Variants in ZMIZ1 observed in about 807,000 individuals in gnomAD.
The protein encoded by ZMIZ1 is zinc finger MIZ domain-containing protein 1.
In ZMIZ1, 17 loss-of-function variants were observed where a neutral mutation model predicts 113.9. The observed-to-expected ratio is 0.15, with a 90% CI of 0.10 to 0.22. The LOEUF is 0.22. Ranked by LOEUF, ZMIZ1 falls within the 10% of genes least tolerant of loss-of-function variation. The probability of loss-of-function intolerance (pLI) is 1.00; values close to 1 mark genes in which losing one functional copy is unlikely to be tolerated. For synonymous variants in ZMIZ1, 607 were observed against 603.1 expected (o/e 1.01, Z -0.09); for missense variants, 1,059 against 1,477.8 (o/e 0.72, Z 4.65).
At chr10:79,140,667 A>G (rs1219315864) in intron 3 of ZMIZ1, among the ~76,000 whole-genome samples, 1 of 151,844 alleles carries the variant, frequency 6.6e-6, no homozygotes, top group Non-Finnish European at 1.5e-5. Context: ...CTTCCATCCA[A>G]CTACTTACCC....
intron 1 of ZMIZ1, among the ~76,000 whole-genome samples, chr10:79,105,803 A>T (rs1230012119): frequency 6.6e-6 from 1 of 152,224 alleles, no homozygotes; most frequent in Non-Finnish European, 1.5e-5. Context: ...TTGTGAATTG[A>T]TTATTAAGCT....
At chr10:79,121,587 G>A (rs886414874) in intron 2 of ZMIZ1, among the ~76,000 whole-genome samples, 1 of 152,198 alleles carries the variant, frequency 6.6e-6, no homozygotes, top group Non-Finnish European at 1.5e-5. Flanking sequence ...AAAGCTCTGG[G>A]GTACCCAAGA....
intron 3 of ZMIZ1, 24 bp from the exon 4 acceptor site, chr10:79,162,029 G>T (rs1290619174): frequency 2.5e-6 from 1 of 399,130 alleles, no homozygotes; most frequent in Non-Finnish European, 4.4e-6. Context: ...GGGTAGACCC[G>T]CTGACCTCCC....
intron 7 of ZMIZ1, among the ~76,000 whole-genome samples, chr10:79,257,794 T>C (rs1310618213): frequency 6.6e-6 from 1 of 152,222 alleles, no homozygotes; most frequent in East Asian, 1.9e-4. Flanking sequence ...CCTGCCACTT[T>C]ATGGTTTGCA....
At chr10:79,200,357 C>T (rs1848022384) in intron 4 of ZMIZ1, among the ~76,000 whole-genome samples, 1 of 152,346 alleles carries the variant, frequency 6.6e-6, no homozygotes, top group South Asian at 2.1e-4. Context: ...CTCTCTCTAC[C>T]TAGATCCCCG....
intron 4 of ZMIZ1, among the ~76,000 whole-genome samples, chr10:79,182,348 C>A (rs925580314): frequency 6.6e-6 from 1 of 152,166 alleles, no homozygotes; most frequent in Non-Finnish European, 1.5e-5. Context: ...CCTTCTTGCC[C>A]ACCTCCAGGA....
chr10:79,286,779 C>G (rs977108182), intron 8 of ZMIZ1, among the ~76,000 whole-genome samples: 1 of 152,220 alleles, frequency 6.6e-6, no homozygotes, highest in Non-Finnish European at 1.5e-5. Flanking sequence ...GGAGCTTGTT[C>G]GTGGGCCTGT....
chr10:79,145,084 C>G (rs1845426207), intron 3 of ZMIZ1, among the ~76,000 whole-genome samples: 1 of 151,960 alleles, frequency 6.6e-6, no homozygotes, highest in Admixed American at 6.6e-5. Flanking sequence ...CTCCCCTCCT[C>G]CCTCCTTCCT....
Position 79,296,092 on chromosome 10 carries a change from C to G in ZMIZ1, c.1231-379C>G, listed in dbSNP as rs1853872033. 4.0e-6 allele frequency: 1 copy of G among 248,696 alleles called. No homozygotes were observed. The highest frequency in any genetic ancestry group is 2.3e-5 in the African/African-American group (1 of 43,272). 15.4% of individuals were successfully genotyped at this position (248,696 alleles called of 1,614,324 possible). On this transcript the variant is annotated intron_variant, in intron 12 of 24. Transcript: ENST00000334512. The surrounding 1 kb of genome is among the most constrained non-coding windows in gnomAD (Gnocchi z 4.1). Reference sequence around the variant, plus strand: ...GAATTGCATCCTGTTGACTGTGTTCCTCTGTCACATTGGGGTACACATTGG... The same window carrying G: ...GAATTGCATCCTGTTGACTGTGTTCGTCTGTCACATTGGGGTACACATTGG...
intron 2 of ZMIZ1, among the ~76,000 whole-genome samples, chr10:79,120,830 G>T (rs971362053): frequency 3.9e-5 from 6 of 152,192 alleles, no homozygotes; most frequent in East Asian, 1.9e-4. Flanking sequence ...TGAATCATGG[G>T]CATGACAGTC....
At chr10:79,110,776 C>G (rs1044085044) in intron 1 of ZMIZ1, among the ~76,000 whole-genome samples, 4 of 152,238 alleles carry the variant, frequency 2.6e-5, no homozygotes, top group South Asian at 2.1e-4. Context: ...GACTGAGGCC[C>G]CCACTGCCAA....
At chr10:79,283,202 C>G (rs1852848183) in intron 8 of ZMIZ1, among the ~76,000 whole-genome samples, 1 of 152,216 alleles carries the variant, frequency 6.6e-6, no homozygotes, top group South Asian at 2.1e-4. Flanking sequence ...TTTATGAACC[C>G]CAACAGAGAG....
rs1855364043 is a variant in ZMIZ1, at chr10:79,313,884, G to A, written c.*1135G>A. 2.7e-6 allele frequency: 1 copy of A among 373,506 alleles called. No individual in the cohort carries two copies. Among genetic ancestry groups the A allele is most frequent in the South Asian group, 2.0e-5 (1 of 50,774 alleles). 23.1% of individuals were successfully genotyped at this position (373,506 alleles called of 1,614,324 possible). ...CAGTGCGTGGAAAGGCCGGGGAGGT[G>A]CAGAAACCAGAGCCCAGGGCAATGG... On this transcript the variant is annotated 3_prime_UTR_variant, in exon 25 of 25. Transcript: ENST00000334512.
intron 2 of ZMIZ1, among the ~76,000 whole-genome samples, chr10:79,133,172 G>A (rs889092309): frequency 6.6e-6 from 1 of 152,168 alleles, no homozygotes; most frequent in African/African-American, 2.4e-5. Context: ...ACATGATGCT[G>A]TTTCCTACCT....
In ZMIZ1 at chr10:79,296,182, C is replaced by T. The variant is rs1259625528; in HGVS notation, c.1231-289C>T. The T allele has an allele frequency of 2.1e-6, 1 of 470,156 alleles. No homozygotes were observed. The highest frequency in any genetic ancestry group is 3.8e-6 in the Non-Finnish European group (1 of 261,864). The allele number at this position is 470,156 out of a possible 1,614,324, so 29.1% of individuals were successfully genotyped here. A position where few individuals can be genotyped will look rare whatever the true frequency, so the allele number is the denominator to read the frequency against. On this transcript the variant is annotated intron_variant, in intron 12 of 24. Coordinates refer to ENST00000334512, the MANE Select transcript of ZMIZ1 (RefSeq NM_020338.4). This position sits in a 1 kb window ranked among gnomAD's most constrained non-coding sequence, Gnocchi z 4.1. ...GGTCGGGGGAGTTAGAATCAGGCCC[C>T]TCATAATGGTGTGAGCAAGAGGCTC...
intron 4 of ZMIZ1, among the ~76,000 whole-genome samples, chr10:79,173,081 GACCCTGGAC>G (rs1846672980): frequency 6.6e-6 from 1 of 152,174 alleles, no homozygotes; most frequent in Admixed American, 6.5e-5. Context: ...AGAATGAGCT[GACCCTGGAC>G]ACCCTGGGGC....
chr10:79,291,604 G>A (rs1007784287), intron 10 of ZMIZ1, among the ~76,000 whole-genome samples: 6 of 152,246 alleles, frequency 3.9e-5, no homozygotes, highest in African/African-American at 1.4e-4. Context: ...GCAGAACTAT[G>A]CAGAGACTGC....
At chr10:79,255,694 G>A (rs1045413588) in intron 7 of ZMIZ1, among the ~76,000 whole-genome samples, 5 of 151,804 alleles carry the variant, frequency 3.3e-5, no homozygotes, top group East Asian at 1.9e-4. Context: ...ACCTCTCCCC[G>A]CCACCCCCCA....
chr10:79,270,878 C>T (rs1228790321), intron 7 of ZMIZ1, among the ~76,000 whole-genome samples: 2 of 152,158 alleles, frequency 1.3e-5, no homozygotes, highest in Non-Finnish European at 2.9e-5. Flanking sequence ...ACTACCCCCA[C>T]AAAAGATGGC....
Sources: allele counts gnomAD v4.1 joint callset (sites outside exome capture counted in the v4.1 genomes callset), GRCh38; gene constraint gnomAD v4.1.1; non-coding constraint Gnocchi (gnomAD v3.1); transcripts MANE v1.5; gene names NCBI Gene and HGNC (gene_info 2026-07-23, HGNC 2026-07-21).